The following NNT variants were observed in gnomAD, a reference collection of about 807,000 sequenced individuals.
NNT encodes the protein NAD(P) transhydrogenase, mitochondrial.
In NNT, 50 loss-of-function variants were observed where a neutral mutation model predicts 104.8. That is an observed-to-expected ratio of 0.48 (90% CI 0.38 to 0.60). NNT has a LOEUF of 0.60. NNT is among the 20% of genes least tolerant of loss of function. NNT has a pLI of 0.00. For synonymous variants in NNT, 461 were observed against 490.4 expected (o/e 0.94, Z 0.79); for missense variants, 1,131 against 1,330.7 (o/e 0.85, Z 2.33).
intron 16 of NNT, among the ~76,000 whole-genome samples, chr5:43,658,112 G>A (rs564640782): frequency 2.0e-5 from 3 of 152,122 alleles, no homozygotes; most frequent in Admixed American, 1.3e-4. Context: ...TCCAGCCTGG[G>A]TGACAAAGCA....
At chr5:43,673,071 G>T (rs528094629) in intron 17 of NNT, among the ~76,000 whole-genome samples, 102 of 152,358 alleles carry the variant, frequency 6.7e-4, no homozygotes, top group African/African-American at 2.3e-3. Flanking sequence ...GTGGGCATGG[G>T]ACCCTCTGAG....
At position 43,637,277 on chromosome 5, in the gene NNT, C is replaced by A. The variant is rs150357795; in HGVS notation, c.965-6915C>A. 2.0e-4 allele frequency among the ~76,000 whole-genome samples: 30 copies of A among 152,246 alleles called. No individual in the cohort carries two copies. In the East Asian group the frequency reaches 5.8e-3, roughly 29 times the overall value. On this transcript the variant is annotated intron_variant, in intron 7 of 21. Coordinates refer to ENST00000344920, the MANE Select transcript of NNT (RefSeq NM_182977.3). ...ATGGATCAGTGGATTAGATGTTCAGCACTTTCTTGCCATATTCTATATTTT... is the reference window on the plus strand; with the variant it reads ...ATGGATCAGTGGATTAGATGTTCAGAACTTTCTTGCCATATTCTATATTTT...
intron 17 of NNT, chr5:43,666,959 T>G: frequency 1.3e-6 from 2 of 1,591,430 alleles, no homozygotes; most frequent in East Asian, 2.2e-5. Flanking sequence ...GGATCGAGCT[T>G]GCGGCTGACA....
At chr5:43,684,092 G>A (rs1477342682) in intron 19 of NNT, among the ~76,000 whole-genome samples, 1 of 152,188 alleles carries the variant, frequency 6.6e-6, no homozygotes, top group Admixed American at 6.5e-5. Context: ...CAGGCCACAT[G>A]TACAGATGGA....
At position 43,603,249 on chromosome 5, in the gene NNT, C is replaced by T. The variant is rs2111721886; in HGVS notation, c.-99C>T. The T allele has an allele frequency of 6.6e-6, 1 of 152,624 alleles. No homozygotes were observed. Among genetic ancestry groups the T allele is most frequent in the African/African-American group, 2.4e-5 (1 of 41,590 alleles). 9.5% of individuals were successfully genotyped at this position (152,624 alleles called of 1,614,324 possible). ...CGGGTCTGCCAGCGCGACGTCCTCTCGCGGCCCTCAGGGCACAGCCCAAGG... is the reference window on the plus strand; with the variant it reads ...CGGGTCTGCCAGCGCGACGTCCTCTTGCGGCCCTCAGGGCACAGCCCAAGG... On this transcript the variant is annotated 5_prime_UTR_variant, in exon 1 of 22. Transcript: ENST00000344920.
At chr5:43,641,051 A>C (rs1232765798) in intron 7 of NNT, among the ~76,000 whole-genome samples, 1 of 151,888 alleles carries the variant, frequency 6.6e-6, no homozygotes, top group African/African-American at 2.4e-5. Flanking sequence ...AGTTTAACTT[A>C]TGGTATTAGG....
At chr5:43,645,073 T>TC (rs2111831022) in intron 9 of NNT, among the ~76,000 whole-genome samples, 1 of 152,124 alleles carries the variant, frequency 6.6e-6, no homozygotes, top group African/African-American at 2.4e-5. Context: ...AATTAAACAT[T>TC]CCCCCCACTT....
At chr5:43,637,609 T>C (rs1389677598) in intron 7 of NNT, among the ~76,000 whole-genome samples, 1 of 152,150 alleles carries the variant, frequency 6.6e-6, no homozygotes, top group Non-Finnish European at 1.5e-5. Context: ...CTTTCCTCTC[T>C]GAGTTGGCTT....
intron 5 of NNT, among the ~76,000 whole-genome samples, chr5:43,620,314 G>A (rs1370421744): frequency 6.6e-6 from 1 of 151,976 alleles, no homozygotes; most frequent in Admixed American, 6.6e-5. Flanking sequence ...CCACCTCCCG[G>A]GTTCATGCCA....
intron 21 of NNT, 117 bp downstream of exon 21, chr5:43,702,853 A>G (rs1742929524): frequency 2.9e-6 from 2 of 688,582 alleles, no homozygotes; most frequent in Non-Finnish European, 4.7e-6. Context: ...GGCCAGGAGT[A>G]AGAGCATGTT....
At position 43,644,321 on chromosome 5, in the gene NNT, A is replaced by G. The variant is rs1287942344; in HGVS notation, c.1094A>G (p.His365Arg). The G allele has an allele frequency of 1.9e-6, 3 of 1,613,470 alleles. No individual in the cohort carries two copies. Among genetic ancestry groups the G allele is most frequent in the Non-Finnish European group, 2.5e-6 (3 of 1,179,904 alleles). ...ACTAAGCCAGGAGAACTCTACATTC[A>G]TAAGGTATAGCAAGATGCGTTTTCT... ...ETTKPGELYIHKGITHIGYTD... is the reference protein window; with the variant it reads ...ETTKPGELYIRKGITHIGYTD... The change falls in exon 8 of 22, where the codon CAT becomes CGT. Residue 365 changes from histidine (H) to arginine (R), a missense_variant. Physicochemically the swap from His to Arg is conservative, Grantham distance 29. Coordinates refer to ENST00000344920, the MANE Select transcript of NNT (RefSeq NM_182977.3).
chr5:43,700,821 C>T (rs1283957617), intron 20 of NNT, among the ~76,000 whole-genome samples: 2 of 152,210 alleles, frequency 1.3e-5, no homozygotes, highest in Non-Finnish European at 2.9e-5. Flanking sequence ...AAACCACTTC[C>T]CTCTGGCAAA....
Position 43,628,950 on chromosome 5 carries a change from C to T in NNT, c.964+563C>T, listed in dbSNP as rs563518888. The stretch of plus-strand genomic sequence containing the variant: ...TGTGTACAATGTTTTTTTTTTTTTC[C>T]GAAGAATAAAACGCCATTTATTTAG... On this transcript the variant is annotated intron_variant, in intron 7 of 21. Transcript: ENST00000344920. Among the ~76,000 whole-genome samples the T allele has an allele frequency of 2.2e-4, 33 of 149,508 alleles. No individual in the cohort carries two copies. In the South Asian group the frequency reaches 3.6e-3, roughly 16 times the overall value.
intron 2 of NNT, among the ~76,000 whole-genome samples, chr5:43,610,880 A>C (rs1749465186): frequency 6.6e-6 from 1 of 152,198 alleles, no homozygotes; most frequent in Admixed American, 6.5e-5. Context: ...ATTATGTATA[A>C]GACATTTTTG....
In NNT at chr5:43,621,262, AT is replaced by A. The variant is rs1415914784; in HGVS notation, c.687+2150del. 5.3e-5 allele frequency among the ~76,000 whole-genome samples: 8 copies of A among 152,144 alleles called. No individual in the cohort carries two copies. The South Asian group carries it at 1.0e-3, about 20-fold the overall frequency. ...ATTATGTGATTTTTGTTGCCATTTT[AT>A]TTTTTTGGCTCATCAGCAATTGTTG... On this transcript the variant is annotated intron_variant, in intron 5 of 21. Transcript: ENST00000344920.
At chr5:43,608,150 C>T (rs998431883) in intron 1 of NNT, among the ~76,000 whole-genome samples, 1 of 151,942 alleles carries the variant, frequency 6.6e-6, no homozygotes, top group Non-Finnish European at 1.5e-5. Context: ...AGGCTGGTCT[C>T]GAACTCCTGA....
chr5:43,605,767 C>T (rs1281505294), intron 1 of NNT, among the ~76,000 whole-genome samples: 1 of 152,088 alleles, frequency 6.6e-6, no homozygotes, highest in African/African-American at 2.4e-5. Context: ...TTGGTTTAGA[C>T]TTAGTGATAT....
chr5:43,701,171 A>G (rs1742831006), intron 20 of NNT, among the ~76,000 whole-genome samples: 1 of 152,070 alleles, frequency 6.6e-6, no homozygotes, highest in Admixed American at 6.6e-5. Flanking sequence ...ATACTGTGGG[A>G]TGCTGAGGGT....
intron 17 of NNT, among the ~76,000 whole-genome samples, chr5:43,665,023 A>G (rs1444223192): frequency 6.6e-6 from 1 of 151,746 alleles, no homozygotes; most frequent in Non-Finnish European, 1.5e-5. Context: ...CTTCTTCTTC[A>G]TTCAGTTTTA....
Sources: allele counts gnomAD v4.1 joint callset (sites outside exome capture counted in the v4.1 genomes callset), GRCh38; gene constraint gnomAD v4.1.1; transcripts MANE v1.5; gene names NCBI Gene and HGNC (gene_info 2026-07-23, HGNC 2026-07-21).